Variants in NUP54 observed in about 807,000 individuals in gnomAD.
NUP54 encodes the protein nucleoporin p54.
Under a neutral mutation model 66.4 loss-of-function variants are expected in NUP54, and 27 were observed. That is an observed-to-expected ratio of 0.41 (90% confidence interval 0.30 to 0.56). The LOEUF (loss-of-function observed/expected upper bound fraction) is 0.56, where lower values mean the gene tolerates loss of function less well. NUP54 is among the 20% of genes least tolerant of loss of function. NUP54 has a pLI of 0.34. For missense variants in NUP54, 486 were observed against 596.3 expected, an observed-to-expected ratio of 0.82 and a Z score of 1.93; for synonymous variants, 206 against 210.7, an observed-to-expected ratio of 0.98 and a Z score of 0.19.
intron 4 of NUP54, 116 bp from the exon 5 acceptor site, chr4:76,134,478 T>G: frequency 1.2e-6 from 1 of 830,042 alleles, no homozygotes; most frequent in Non-Finnish European, 1.8e-6. Context: ...GTCTGGTAAT[T>G]AAGGGAATAA....
intron 9 of NUP54, 200 bp from the exon 10 acceptor site, chr4:76,118,394 T>G: frequency 5.6e-6 from 3 of 539,644 alleles, no homozygotes; most frequent in Non-Finnish European, 6.6e-6. Flanking sequence ...TAGACTTAAT[T>G]GTTTTTTTTG....
chr4:76,117,818 TTGTAA>T, intron 10 of NUP54, 44 bp from the exon 11 acceptor site: 1 of 1,448,432 alleles, frequency 6.9e-7, no homozygotes, highest in Non-Finnish European at 9.7e-7. Context: ...CGACGAAGAC[TTGTAA>T]AAGACAATGT....
At chr4:76,125,940 T>A (rs956287331) in intron 8 of NUP54, among the ~76,000 whole-genome samples, 2 of 114,330 alleles carry the variant, frequency 1.7e-5, no homozygotes, top group East Asian at 4.6e-4. Flanking sequence ...TCAGAAATAA[T>A]TAAGGAATCT....
intron 3 of NUP54, 36 bp downstream of exon 3, chr4:76,144,113 C>T (rs779435325): frequency 5.6e-6 from 9 of 1,608,594 alleles, no homozygotes; most frequent in East Asian, 4.5e-5. Context: ...AGTATCATCA[C>T]GGTTTTGTAT....
chr4:76,125,674 GAGAGAGGGAGAGGGA>G (rs1560678976), intron 8 of NUP54, among the ~76,000 whole-genome samples: 4 of 34,548 alleles, frequency 1.2e-4, no homozygotes, highest in Admixed American at 5.2e-4. Context: ...GGGAGAGAGG[GAGAGAGGGAGAGGGA>G]GAGAGGGAGA....
At chr4:76,147,629 G>A (rs1028248689) in intron 1 of NUP54, 9 of 1,289,576 alleles carry the variant, frequency 7.0e-6, no homozygotes, top group Non-Finnish European at 8.1e-6. Flanking sequence ...GCAGTCTCAA[G>A]CCCACCAAAT....
chr4:76,145,178 C>T (rs11941817), intron 1 of NUP54, among the ~76,000 whole-genome samples: 52,821 of 151,248 alleles, frequency 0.35, 10,353 homozygotes, highest in East Asian at 0.55. Context: ...ATTAGCCGGG[C>T]GTGGCGGCGG....
intron 4 of NUP54, among the ~76,000 whole-genome samples, chr4:76,135,796 T>C (rs1272887571): frequency 2.0e-5 from 3 of 152,222 alleles, no homozygotes; most frequent in Non-Finnish European, 1.5e-5. Flanking sequence ...ATTGTTTTAA[T>C]AGCTTTGGGG....
chr4:76,115,631 G>A (rs1370924233), intron 11 of NUP54, 137 bp from the exon 12 acceptor site: 3 of 507,602 alleles, frequency 5.9e-6, no homozygotes, highest in Non-Finnish European at 9.8e-6. Context: ...TAGAGGGCAT[G>A]CATATTTAAA....
At chr4:76,123,679 AT>A (rs1241137895) in intron 9 of NUP54, among the ~76,000 whole-genome samples, 5 of 151,832 alleles carry the variant, frequency 3.3e-5, no homozygotes, top group Non-Finnish European at 7.4e-5. Context: ...TGCCTGGCTG[AT>A]TTTTTTGTAT....
chr4:76,123,294 G>T (rs772054216), intron 9 of NUP54, among the ~76,000 whole-genome samples: 14 of 152,086 alleles, frequency 9.2e-5, no homozygotes, highest in Non-Finnish European at 2.1e-4. Context: ...AATAACACTG[G>T]ATTAGCTCTT....
chr4:76,137,717 T>G (rs752993284), intron 3 of NUP54, among the ~76,000 whole-genome samples: 39 of 152,300 alleles, frequency 2.6e-4, no homozygotes, highest in Middle Eastern at 6.8e-3. Flanking sequence ...TGCCCCAAAG[T>G]GTGAGATAAG....
At chr4:76,147,256 T>C (rs986586988) in intron 1 of NUP54, among the ~76,000 whole-genome samples, 1 of 152,258 alleles carries the variant, frequency 6.6e-6, no homozygotes, top group Non-Finnish European at 1.5e-5. Context: ...ATTTGGAAGA[T>C]AAGTGCACAT....
chr4:76,116,653 C>T (rs1729963846), intron 11 of NUP54, among the ~76,000 whole-genome samples: 1 of 152,200 alleles, frequency 6.6e-6, no homozygotes. Context: ...ATGTTTATAA[C>T]TTACATGCGA....
intron 9 of NUP54, among the ~76,000 whole-genome samples, chr4:76,123,126 T>A (rs536227381): frequency 1.7e-4 from 26 of 152,300 alleles, no homozygotes; most frequent in African/African-American, 5.5e-4. Context: ...TAAAATTGAT[T>A]GTGGTAATAA....
At chr4:76,126,964 A>G (rs1473441552) in intron 8 of NUP54, among the ~76,000 whole-genome samples, 2 of 152,172 alleles carry the variant, frequency 1.3e-5, no homozygotes, top group Non-Finnish European at 2.9e-5. Flanking sequence ...AGATATTAAG[A>G]TACACTACAA....
Position 76,145,425 on chromosome 4 carries a change from T to C in NUP54, c.68-952A>G, listed in dbSNP as rs185955330. On this transcript the variant is annotated intron_variant, in intron 1 of 11. Coordinates refer to ENST00000264883, the MANE Select transcript of NUP54 (RefSeq NM_017426.4). ...AAAACAGCATGCCAAACATATCACATTGGCAGACTTGTTGCCAGTTAGCAA... is the reference window on the plus strand; with the variant it reads ...AAAACAGCATGCCAAACATATCACACTGGCAGACTTGTTGCCAGTTAGCAA... The C allele has an allele frequency of 1.3e-4, 33 of 263,374 alleles. No homozygotes were observed. The East Asian group carries it at 5.1e-3, about 41-fold the overall frequency. 16.3% of individuals were successfully genotyped at this position (263,374 alleles called of 1,614,324 possible). A position where few individuals can be genotyped will look rare whatever the true frequency, so the allele number is the denominator to read the frequency against.
chr4:76,125,623 AGGGAGAGGGGGAGAGG>A (rs1190589164), intron 8 of NUP54, among the ~76,000 whole-genome samples: 2 of 56,068 alleles, frequency 3.6e-5, no homozygotes, highest in Admixed American at 2.4e-4. Context: ...CAAGAGGGAG[AGGGAGAGGGGGAGAGG>A]GGGAGAGGGG....
rs1261980169 is a variant in NUP54 at position 76,117,780 on chromosome 4, A to T, written c.1285-6T>A. The T allele has an allele frequency of 6.2e-7, 1 of 1,605,954 alleles. No individual in the cohort carries two copies. Among genetic ancestry groups the T allele is most frequent in the South Asian group, 1.1e-5 (1 of 90,652 alleles). ...ATCAATTCATTTAGTCGGCCCTAAAAGTTAAGACTGAGTCAAATTACAACT... is the reference window on the plus strand; with the variant it reads ...ATCAATTCATTTAGTCGGCCCTAAATGTTAAGACTGAGTCAAATTACAACT... On this transcript the variant is annotated splice_polypyrimidine_tract_variant and splice_region_variant and intron_variant, in intron 10 of 11. Coordinates refer to ENST00000264883, the MANE Select transcript of NUP54 (RefSeq NM_017426.4).
Sources: allele counts gnomAD v4.1 joint callset (sites outside exome capture counted in the v4.1 genomes callset), GRCh38; gene constraint gnomAD v4.1.1; transcripts MANE v1.5; gene names NCBI Gene and HGNC (gene_info 2026-07-23, HGNC 2026-07-21).